IMMP2L: variants seen among roughly 807,000 people sequenced by gnomAD.
IMMP2L encodes the protein mitochondrial inner membrane protease subunit 2.
Under a neutral mutation model 19.3 loss-of-function variants are expected in IMMP2L, and 18 were observed. The ratio of observed to expected loss-of-function variants is 0.93; its 90% CI spans 0.64 to 1.38. The LOEUF (loss-of-function observed/expected upper bound fraction) is 1.38. Among genes scored for constraint, IMMP2L ranks in the 40% most tolerant of loss-of-function variants. The pLI, the probability that IMMP2L is intolerant of heterozygous loss-of-function variation, is 0.00. For missense variants in IMMP2L, 233 were observed against 218.2 expected, an observed-to-expected ratio of 1.07 and a Z score of -0.43; for synonymous variants, 76 against 73.0, an observed-to-expected ratio of 1.04 and a Z score of -0.21.
At chr7:111,107,572 C>A (rs944039845) in intron 3 of IMMP2L, among the ~76,000 whole-genome samples, 5 of 152,074 alleles carry the variant, frequency 3.3e-5, no homozygotes, top group African/African-American at 7.2e-5. Context: ...GCATGTATAA[C>A]AAGCATTCTG....
rs142454968 is a variant in IMMP2L, at chr7:111,013,550, T to C, written c.240-49985A>G. Among the ~76,000 whole-genome samples, 548 of 152,060 alleles carry C rather than the reference T, an allele frequency of 3.6e-3. 1 individual carries two copies. The highest frequency in any genetic ancestry group is 6.0e-3 in the Admixed American group (92 of 15,256). ...AGTAAGTGGGTGAACAGGAAGCCATTCAACATAAAAAGGAACACAGAAGGA... is the reference window on the plus strand; with the variant it reads ...AGTAAGTGGGTGAACAGGAAGCCATCCAACATAAAAAGGAACACAGAAGGA... On this transcript the variant is annotated intron_variant, in intron 3 of 5. Coordinates refer to ENST00000405709, the MANE Select transcript of IMMP2L (RefSeq NM_032549.4).
intron 3 of IMMP2L, among the ~76,000 whole-genome samples, chr7:111,241,141 AC>A (rs1004045742): frequency 6.6e-5 from 10 of 152,106 alleles, no homozygotes; most frequent in African/African-American, 2.4e-4. Context: ...TTTAAATCTT[AC>A]TTTCAAAAAA....
intron 3 of IMMP2L, among the ~76,000 whole-genome samples, chr7:111,179,197 T>C (rs1284487143): frequency 6.6e-6 from 1 of 151,894 alleles, no homozygotes; most frequent in Admixed American, 6.6e-5. Flanking sequence ...CAGTAATATT[T>C]TGAAAAAAAA....
chr7:110,953,724 A>G (rs922643523), intron 4 of IMMP2L, among the ~76,000 whole-genome samples: 9 of 152,098 alleles, frequency 5.9e-5, no homozygotes, highest in African/African-American at 2.2e-4. Context: ...CTGGTTCTAG[A>G]TCCTTCAGGA....
chr7:111,135,110 C>T (rs1802209012), intron 3 of IMMP2L, among the ~76,000 whole-genome samples: 1 of 152,090 alleles, frequency 6.6e-6, no homozygotes, highest in African/African-American at 2.4e-5. Context: ...TCGGCACAAA[C>T]TGTCATCTCA....
At chr7:110,765,625 T>C (rs182478997) in intron 5 of IMMP2L, among the ~76,000 whole-genome samples, 26 of 152,324 alleles carry the variant, frequency 1.7e-4, no homozygotes, top group African/African-American at 4.6e-4. Context: ...TCATAACTAC[T>C]GGAAATCATT....
chr7:111,121,863 T>G (rs1376348934), intron 3 of IMMP2L, among the ~76,000 whole-genome samples: 1 of 151,864 alleles, frequency 6.6e-6, no homozygotes, highest in African/African-American at 2.4e-5. Flanking sequence ...ATTAAGAAAA[T>G]GTGGCAAATA....
intron 4 of IMMP2L, among the ~76,000 whole-genome samples, chr7:110,896,292 T>C (rs1377189046): frequency 6.6e-6 from 1 of 152,144 alleles, no homozygotes; most frequent in Non-Finnish European, 1.5e-5. Context: ...TAGTTTTTGC[T>C]AAAATGATGA....
chr7:111,017,488 G>C (rs1275650567), intron 3 of IMMP2L, among the ~76,000 whole-genome samples: 1 of 152,096 alleles, frequency 6.6e-6, no homozygotes, highest in Non-Finnish European at 1.5e-5. Context: ...ACAATCTTGT[G>C]CCTTGAAAGT....
intron 5 of IMMP2L, among the ~76,000 whole-genome samples, chr7:110,734,404 A>G (rs1796479701): frequency 2.0e-5 from 3 of 152,234 alleles, no homozygotes; most frequent in Admixed American, 6.5e-5. Context: ...GTAAGAACTT[A>G]ACAGCAATGA....
chr7:111,503,771 C>A (rs1585398656), intron 2 of IMMP2L, among the ~76,000 whole-genome samples: 2 of 151,216 alleles, frequency 1.3e-5, no homozygotes, highest in South Asian at 2.1e-4. Context: ...AATTCAACAA[C>A]CCTTCATGCT....
intron 3 of IMMP2L, among the ~76,000 whole-genome samples, chr7:111,170,891 T>TC (rs35379306): frequency 0.88 from 133,816 of 151,670 alleles, 59,904 homozygotes; most frequent in Non-Finnish European, 0.96. Flanking sequence ...TTTTCAACCT[T>TC]ATTCTCCTTG....
At chr7:111,077,207 C>T (rs1656379899) in intron 3 of IMMP2L, among the ~76,000 whole-genome samples, 2 of 152,234 alleles carry the variant, frequency 1.3e-5, no homozygotes, top group African/African-American at 4.8e-5. Flanking sequence ...CTGAATCTCC[C>T]TTCAGGGAAA....
intron 5 of IMMP2L, among the ~76,000 whole-genome samples, chr7:110,676,158 T>C (rs1390790933): frequency 6.6e-6 from 1 of 152,236 alleles, no homozygotes; most frequent in African/African-American, 2.4e-5. Context: ...CATAAGGTAC[T>C]GTTTCTTCTG....
At chr7:111,089,291 A>G (rs1174050851) in intron 3 of IMMP2L, among the ~76,000 whole-genome samples, 1 of 152,130 alleles carries the variant, frequency 6.6e-6, no homozygotes, top group Non-Finnish European at 1.5e-5. Context: ...GACTATCACA[A>G]CTTACCTTCA....
chr7:110,945,288 G>A (rs148247016), intron 4 of IMMP2L, among the ~76,000 whole-genome samples: 3 of 152,048 alleles, frequency 2.0e-5, no homozygotes, highest in Admixed American at 6.6e-5. Context: ...TTTTAAAAAA[G>A]CATTCTTGTG....
intron 3 of IMMP2L, among the ~76,000 whole-genome samples, chr7:111,384,196 G>A (rs954677340): frequency 4.0e-5 from 6 of 151,500 alleles, no homozygotes; most frequent in African/African-American, 1.5e-4. Context: ...AAGGAGAAAG[G>A]AGAAAGGAGA....
chr7:110,675,597 T>C (rs754551647), intron 5 of IMMP2L, among the ~76,000 whole-genome samples: 73 of 152,210 alleles, frequency 4.8e-4, no homozygotes, highest in Non-Finnish European at 9.4e-4. Flanking sequence ...TTTAATAATA[T>C]AGGAACCAAA....
chr7:110,969,625 G>T (rs1046454151), intron 3 of IMMP2L, among the ~76,000 whole-genome samples: 1 of 152,060 alleles, frequency 6.6e-6, no homozygotes, highest in Non-Finnish European at 1.5e-5. Flanking sequence ...CATGGGAAAG[G>T]AAACCTCAGG....
Sources: allele counts gnomAD v4.1 joint callset (sites outside exome capture counted in the v4.1 genomes callset), GRCh38; gene constraint gnomAD v4.1.1; transcripts MANE v1.5; gene names NCBI Gene and HGNC (gene_info 2026-07-23, HGNC 2026-07-21).